The following API5 variants were observed in gnomAD, a reference collection of about 807,000 sequenced individuals.
API5 encodes apoptosis inhibitor 5, also known as FIF.
API5 carries 6 observed loss-of-function variants against 71.9 expected under a neutral mutation model. The observed-to-expected ratio is 0.08, with a 90% CI of 0.05 to 0.16. The LOEUF (loss-of-function observed/expected upper bound fraction) is 0.16, where lower values mean the gene tolerates loss of function less well. Among genes scored for constraint, API5 ranks in the 10% least tolerant of loss-of-function variants. The probability of loss-of-function intolerance (pLI) is 1.00; values close to 1 mark genes in which losing one functional copy is unlikely to be tolerated. For synonymous variants in API5, 189 were observed against 221.3 expected, an observed-to-expected ratio of 0.85 and a Z score of 1.30; for missense variants, 332 against 612.8, an observed-to-expected ratio of 0.54 and a Z score of 4.84.
At position 43,322,150 on chromosome 11, in the gene API5, T is replaced by C; in HGVS notation, c.543+14T>C. 2 of 1,580,810 alleles carry C rather than the reference T, an allele frequency of 1.3e-6. No homozygotes were observed. Among genetic ancestry groups the C allele is most frequent in the Non-Finnish European group, 8.6e-7 (1 of 1,166,522 alleles). ...GAATCCAAAAAGGTGAGCTTTGGTC[T>C]TCATTTGGTGGAAATTCTCTAAAGC... On this transcript the variant is annotated intron_variant, in intron 5 of 13. Coordinates refer to ENST00000531273, the MANE Select transcript of API5 (RefSeq NM_001142930.2).
intron 6 of API5, among the ~76,000 whole-genome samples, chr11:43,325,023 A>G (rs1322153894): frequency 1.3e-5 from 2 of 152,104 alleles, no homozygotes; most frequent in Non-Finnish European, 2.9e-5. Flanking sequence ...ATCAAAATGT[A>G]TAGATGTTCC....
At position 43,343,800 on chromosome 11, in the gene API5, A is replaced by T. The variant is rs924161406; in HGVS notation, c.*1290A>T. Reference sequence around the variant, plus strand: ...TTCGTATATTTTTGTTTCACAGTTAATCTTCCCTCCCCAAGTTTGCTATTC... The same window carrying T: ...TTCGTATATTTTTGTTTCACAGTTATTCTTCCCTCCCCAAGTTTGCTATTC... On this transcript the variant is annotated 3_prime_UTR_variant, in exon 14 of 14. Transcript: ENST00000531273. 1 of 152,596 alleles carries T rather than the reference A, an allele frequency of 6.6e-6. No homozygotes were observed. The highest frequency in any genetic ancestry group is 1.5e-5 in the Non-Finnish European group (1 of 68,042). 9.5% of individuals were successfully genotyped at this position (152,596 alleles called of 1,614,324 possible). A position where few individuals can be genotyped will look rare whatever the true frequency, so the allele number is the denominator to read the frequency against.
rs762615418 is a variant in API5 at position 43,335,913 on chromosome 11, G to A, written c.1411G>A (p.Ala471Thr). Residue 471 changes from alanine (A) to threonine (T), a missense_variant, in exon 13 of 14, where the codon GCA becomes ACA. Around this residue, in one of 3 missense-constraint regions of API5, gnomAD observed 168 missense variants for 343.9 expected, o/e 0.49. Coordinates refer to ENST00000531273, the MANE Select transcript of API5 (RefSeq NM_001142930.2). Reference sequence around the variant, plus strand: ...AGGTTCACCACCCAAGAAATCTTCAGCAGGACCAAAAAGAGATGCCAGGCA... The same window carrying A: ...AGGTTCACCACCCAAGAAATCTTCAACAGGACCAAAAAGAGATGCCAGGCA... The part of the protein sequence containing the change: ...TSGSPPKKSS[A>T]GPKRDARQIY... The A allele has an allele frequency of 1.2e-6, 2 of 1,613,816 alleles. No individual in the cohort carries two copies. The highest frequency in any genetic ancestry group is 1.7e-6 in the Non-Finnish European group (2 of 1,179,940).
chr11:43,335,138 G>C (rs1590269018), intron 11 of API5, 140 bp from the exon 12 acceptor site: 1 of 660,974 alleles, frequency 1.5e-6, no homozygotes, highest in East Asian at 2.7e-5. Context: ...AAACAAAATT[G>C]TTCCTGTTTA....
chr11:43,318,559 C>G, intron 1 of API5, 81 bp from the exon 2 acceptor site: 11 of 1,586,118 alleles, frequency 6.9e-6, no homozygotes, highest in Non-Finnish European at 9.4e-6. Flanking sequence ...AAAGCACACT[C>G]TAACATGTTT....
intron 10 of API5, 81 bp downstream of exon 10, chr11:43,330,139 C>T (rs988932188): frequency 4.4e-6 from 5 of 1,132,678 alleles, no homozygotes; most frequent in Non-Finnish European, 5.2e-6. Flanking sequence ...TTTTCATTTT[C>T]CCTTATCTCA....
At chr11:43,322,344 G>A (rs1854923693) in intron 5 of API5, among the ~76,000 whole-genome samples, 1 of 151,986 alleles carries the variant, frequency 6.6e-6, no homozygotes, top group South Asian at 2.1e-4. Context: ...GTAATTTAAA[G>A]GAATCTGATT....
intron 11 of API5, among the ~76,000 whole-genome samples, chr11:43,331,638 G>T (rs149782661): frequency 3.3e-5 from 5 of 152,078 alleles, no homozygotes; most frequent in Non-Finnish European, 7.4e-5. Flanking sequence ...GGAGAGGCAG[G>T]CACACTAGGT....
rs1376604039 is a variant in API5, at chr11:43,342,696, A to G, written c.*186A>G. On this transcript the variant is annotated 3_prime_UTR_variant, in exon 14 of 14. Coordinates refer to ENST00000531273, the MANE Select transcript of API5 (RefSeq NM_001142930.2). ...CCATGGTTGTGTCCAAGGTAAAACC[A>G]CAGTGATATTTTTGGATGCTTTGTC... is the stretch of plus-strand genomic sequence containing the variant. 1.0e-5 allele frequency: 7 copies of G among 701,828 alleles called. No individual in the cohort carries two copies. The highest frequency in any genetic ancestry group is 1.8e-5 in the Non-Finnish European group (7 of 388,934). The allele number at this position is 701,828 out of a possible 1,614,324, so 43.5% of individuals were successfully genotyped here.
intron 13 of API5, among the ~76,000 whole-genome samples, chr11:43,341,340 A>G (rs1356470822): frequency 1.3e-5 from 2 of 152,200 alleles, no homozygotes; most frequent in Non-Finnish European, 2.9e-5. Context: ...CCCAGAATCA[A>G]CAGGTGCATC....
At chr11:43,335,618 G>T (rs1356668465) in intron 12 of API5, among the ~76,000 whole-genome samples, 1 of 152,126 alleles carries the variant, frequency 6.6e-6, no homozygotes, top group East Asian at 1.9e-4. Flanking sequence ...TGAGTCACTT[G>T]CATGTAAGTC....
At chr11:43,342,141 C>G (rs1855638459) in intron 13 of API5, among the ~76,000 whole-genome samples, 1 of 151,936 alleles carries the variant, frequency 6.6e-6, no homozygotes, top group South Asian at 2.1e-4. Flanking sequence ...CAAGACCCTC[C>G]AAAAAAAGTG....
At chr11:43,339,457 A>G (rs1299247772) in intron 13 of API5, 1 of 151,612 alleles carries the variant, frequency 6.6e-6, no homozygotes, top group Non-Finnish European at 1.5e-5. Context: ...CATATGATTA[A>G]AAGTCCAGCC....
At chr11:43,341,692 T>C (rs1449740756) in intron 13 of API5, among the ~76,000 whole-genome samples, 1 of 152,174 alleles carries the variant, frequency 6.6e-6, no homozygotes, top group Non-Finnish European at 1.5e-5. Flanking sequence ...AGTTAATATA[T>C]ACTTTAAAAT....
Position 43,312,014 on chromosome 11 carries a change from G to A in API5, c.-114G>A. The A allele has an allele frequency of 8.3e-7, 1 of 1,200,280 alleles. No individual in the cohort carries two copies. The highest frequency in any genetic ancestry group is 2.6e-5 in the East Asian group (1 of 39,188). The allele number at this position is 1,200,280 out of a possible 1,614,324, so 74.4% of individuals were successfully genotyped here. ...GTGCGCGGTGACTGGCGGCTGCACT[G>A]GCGGCAGCTGGAGGTGTAATAGTGC... On this transcript the variant is annotated 5_prime_UTR_variant, in exon 1 of 14. Transcript: ENST00000531273.
chr11:43,332,569 C>T (rs564894961), intron 11 of API5, among the ~76,000 whole-genome samples: 1 of 152,210 alleles, frequency 6.6e-6, no homozygotes, highest in South Asian at 2.1e-4. Flanking sequence ...AGGGAGGGGT[C>T]TTGAAGAGTC....
At chr11:43,336,025 T>C (rs769110884) in intron 13 of API5, 31 bp downstream of exon 13, 4 of 1,609,088 alleles carry the variant, frequency 2.5e-6, no homozygotes, top group Non-Finnish European at 3.4e-6. Context: ...ACAAGGAATA[T>C]GAGAGATTAG....
chr11:43,327,452 A>G (rs927255057), intron 7 of API5, among the ~76,000 whole-genome samples: 2 of 152,254 alleles, frequency 1.3e-5, no homozygotes, highest in African/African-American at 4.8e-5. Context: ...TTGCCTTGCA[A>G]TTAGCACAAT....
intron 1 of API5, among the ~76,000 whole-genome samples, chr11:43,312,933 C>T (rs75989077): frequency 0.021 from 3,194 of 151,878 alleles, 68 homozygotes; most frequent in East Asian, 0.1. Flanking sequence ...ATGGTGAAAC[C>T]CTGTCTCTAC....
Sources: gnomAD v4.1 joint callset for allele counts (sites outside exome capture counted in the v4.1 genomes callset) on GRCh38, gnomAD v4.1.1 for gene constraint, gnomAD v4.1.1 regional missense constraint, MANE v1.5 for transcripts, NCBI Gene and HGNC (gene_info 2026-07-23, HGNC 2026-07-21) for gene names.